Variants in PHF20 observed in about 807,000 individuals in gnomAD.
PHF20 encodes glioma-expressed antigen 2.
Under a neutral mutation model 113.5 loss-of-function variants are expected in PHF20, and 23 were observed. That is an observed-to-expected ratio of 0.20 (90% CI 0.15 to 0.29). The LOEUF (loss-of-function observed/expected upper bound fraction) is 0.29. PHF20 is among the 10% of genes least tolerant of loss of function. PHF20 has a pLI of 1.00. For missense variants in PHF20, 943 were observed against 1,219.6 expected (o/e 0.77, Z 3.38); for synonymous variants, 434 against 457.3 (o/e 0.95, Z 0.65).
intron 4 of PHF20, among the ~76,000 whole-genome samples, chr20:35,856,940 T>C (rs968282803): frequency 1.3e-5 from 2 of 152,168 alleles, no homozygotes; most frequent in Non-Finnish European, 2.9e-5. Flanking sequence ...ACTTTTGGAC[T>C]TCATTTGGTA....
chr20:35,840,606 T>A (rs2042520114), intron 2 of PHF20, among the ~76,000 whole-genome samples: 1 of 152,096 alleles, frequency 6.6e-6, no homozygotes, highest in African/African-American at 2.4e-5. Flanking sequence ...CTGCTTGACA[T>A]GCATGAAACT....
intron 15 of PHF20, among the ~76,000 whole-genome samples, chr20:35,936,641 C>CTT (rs1250367532): frequency 5.9e-5 from 9 of 152,090 alleles, no homozygotes; most frequent in Non-Finnish European, 1.2e-4. Flanking sequence ...TTTTTAGAAG[C>CTT]TTTATCATTA....
chr20:35,851,598 T>C (rs1012997794), intron 4 of PHF20, among the ~76,000 whole-genome samples: 1 of 151,906 alleles, frequency 6.6e-6, no homozygotes, highest in Non-Finnish European at 1.5e-5. Flanking sequence ...CGCCCCTTTT[T>C]TTTTGCCTAG....
At chr20:35,882,614 G>C (rs1217945710) in intron 9 of PHF20, among the ~76,000 whole-genome samples, 3 of 152,194 alleles carry the variant, frequency 2.0e-5, no homozygotes, top group African/African-American at 7.2e-5. Context: ...TTTTTGTGGA[G>C]ACAGGGTCTA....
At chr20:35,911,118 G>T (rs1454026662) in intron 10 of PHF20, among the ~76,000 whole-genome samples, 1 of 151,488 alleles carries the variant, frequency 6.6e-6, no homozygotes, top group Non-Finnish European at 1.5e-5. Flanking sequence ...TCAGCTCACT[G>T]CAAGCTCCGC....
intron 9 of PHF20, among the ~76,000 whole-genome samples, chr20:35,897,559 CTTTTTTTTTTTT>C (rs150122625): frequency 9.3e-6 from 1 of 107,684 alleles, no homozygotes; most frequent in Non-Finnish European, 1.8e-5. Flanking sequence ...TTCTGGATCC[CTTTTTTTTTTTT>C]TTTTTTTTTT....
intron 1 of PHF20, among the ~76,000 whole-genome samples, chr20:35,800,898 T>C (rs80015686): frequency 0.048 from 7,301 of 152,296 alleles, 217 homozygotes; most frequent in African/African-American, 0.089. Flanking sequence ...GCTATGTTTC[T>C]CAGGCTGGTC....
intron 10 of PHF20, among the ~76,000 whole-genome samples, chr20:35,911,544 G>A (rs2147079655): frequency 6.6e-6 from 1 of 152,304 alleles, no homozygotes; most frequent in East Asian, 1.9e-4. Flanking sequence ...TGGATGGCAA[G>A]GTCATAGGAT....
rs750617229 is a variant in PHF20 at position 35,941,008 on chromosome 20, GTTACGCAC to G, written c.2858_2865del (p.Val953GlufsTer6). Reference sequence around the variant, plus strand: ...CCATGTGGAATCTCTTCAGGATGAAGTTACGCACAGGATGGACTCCATTGAGAAGGAGT... The same window carrying G: ...CCATGTGGAATCTCTTCAGGATGAAGAGGATGGACTCCATTGAGAAGGAGT... On this transcript the variant is annotated frameshift_variant, in exon 17 of 18. Coordinates refer to ENST00000374012, the MANE Select transcript of PHF20 (RefSeq NM_016436.5). LOFTEE classifies it high-confidence loss of function. 6.2e-7 allele frequency: 1 copy of G among 1,614,170 alleles called. No homozygotes were observed. Among genetic ancestry groups the G allele is most frequent in the Non-Finnish European group, 8.5e-7 (1 of 1,180,020 alleles).
intron 10 of PHF20, among the ~76,000 whole-genome samples, chr20:35,901,369 C>G (rs1020472671): frequency 3.5e-4 from 51 of 146,496 alleles, no homozygotes; most frequent in African/African-American, 1.3e-3. Context: ...GAGCCAAGAT[C>G]GTGACACTGC....
At chr20:35,877,775 G>T (rs1286864744) in intron 9 of PHF20, among the ~76,000 whole-genome samples, 6 of 152,112 alleles carry the variant, frequency 3.9e-5, no homozygotes, top group Non-Finnish European at 8.8e-5. Context: ...AAAACAAATA[G>T]AAGTACAGGT....
intron 2 of PHF20, among the ~76,000 whole-genome samples, chr20:35,802,345 G>GT (rs2041795464): frequency 6.6e-6 from 1 of 151,366 alleles, no homozygotes; most frequent in South Asian, 2.1e-4. Context: ...CTCTTTAAGG[G>GT]TTTTTGTTTT....
chr20:35,883,376 AAGGAGTG>A (rs1177470424), intron 9 of PHF20, among the ~76,000 whole-genome samples: 1 of 152,210 alleles, frequency 6.6e-6, no homozygotes, highest in Non-Finnish European at 1.5e-5. Flanking sequence ...ATTTGGCATG[AAGGAGTG>A]AGTTAGCTAG....
At chr20:35,815,126 G>A (rs2042048763) in intron 2 of PHF20, among the ~76,000 whole-genome samples, 3 of 152,066 alleles carry the variant, frequency 2.0e-5, no homozygotes, top group East Asian at 1.9e-4. Context: ...AGCCAAAGGA[G>A]GCAGAGGTTG....
At chr20:35,865,139 G>T (rs2054291674) in intron 6 of PHF20, among the ~76,000 whole-genome samples, 1 of 152,126 alleles carries the variant, frequency 6.6e-6, no homozygotes, top group African/African-American at 2.4e-5. Context: ...GTTGCAGTGA[G>T]CTGAGATCGG....
At chr20:35,785,447 G>T (rs964025837) in intron 1 of PHF20, among the ~76,000 whole-genome samples, 1 of 151,908 alleles carries the variant, frequency 6.6e-6, no homozygotes, top group African/African-American at 2.4e-5. Flanking sequence ...AGCCTCCCGA[G>T]TAGGTGGTGC....
At chr20:35,799,532 A>G (rs2041737065) in intron 1 of PHF20, among the ~76,000 whole-genome samples, 1 of 152,058 alleles carries the variant, frequency 6.6e-6, no homozygotes, top group Non-Finnish European at 1.5e-5. Flanking sequence ...GTCTGCTGTA[A>G]GGAAGTGGCC....
At chr20:35,775,835 CA>C (rs2041164646) in intron 1 of PHF20, among the ~76,000 whole-genome samples, 1 of 150,182 alleles carries the variant, frequency 6.7e-6, no homozygotes, top group Admixed American at 6.7e-5. Flanking sequence ...TGGGTGGGGA[CA>C]GGGTCTCATT....
chr20:35,926,230 A>ATTTTTTTTTTT (rs1186510585), intron 13 of PHF20, among the ~76,000 whole-genome samples: 1 of 52,968 alleles, frequency 1.9e-5, no homozygotes, highest in Non-Finnish European at 3.1e-5. Flanking sequence ...ACAGACTTTC[A>ATTTTTTTTTTT]TTTTTTTTTT....
Sources: gnomAD v4.1 joint callset for allele counts (sites outside exome capture counted in the v4.1 genomes callset) on GRCh38, gnomAD v4.1.1 for gene constraint, MANE v1.5 for transcripts, NCBI Gene and HGNC (gene_info 2026-07-23, HGNC 2026-07-21) for gene names.